KCNIP3: variants seen among roughly 807,000 people sequenced by gnomAD.
The protein encoded by KCNIP3 is calsenilin.
In KCNIP3, 28 loss-of-function variants were observed where a neutral mutation model predicts 35.0. The observed-to-expected ratio is 0.80, with a 90% CI of 0.59 to 1.10. The LOEUF (loss-of-function observed/expected upper bound fraction) is 1.10. Among genes scored for constraint, KCNIP3 ranks in the 50% least tolerant of loss-of-function variants. KCNIP3 has a pLI of 0.00. For missense variants in KCNIP3, 295 were observed against 338.4 expected, an observed-to-expected ratio of 0.87 and a Z score of 1.01; for synonymous variants, 134 against 133.8, an observed-to-expected ratio of 1.00 and a Z score of -0.01.
intron 2 of KCNIP3, among the ~76,000 whole-genome samples, chr2:95,358,277 A>G (rs1048286806): frequency 6.6e-6 from 1 of 152,226 alleles, no homozygotes; most frequent in Non-Finnish European, 1.5e-5. Flanking sequence ...CCTCTTGCCC[A>G]GTACCTGGTG....
intron 2 of KCNIP3, among the ~76,000 whole-genome samples, chr2:95,343,781 G>A (rs1328480938): frequency 6.6e-6 from 1 of 152,188 alleles, no homozygotes; most frequent in Non-Finnish European, 1.5e-5. Flanking sequence ...GACAGGGCTG[G>A]TAGAATCTGG....
chr2:95,341,320 G>A (rs996014058), intron 2 of KCNIP3, among the ~76,000 whole-genome samples: 1 of 152,174 alleles, frequency 6.6e-6, no homozygotes, highest in Non-Finnish European at 1.5e-5. Context: ...CACCATGATT[G>A]AGGATACCAG....
At chr2:95,308,686 C>T (rs1465166198) in intron 1 of KCNIP3, among the ~76,000 whole-genome samples, 2 of 152,146 alleles carry the variant, frequency 1.3e-5, no homozygotes, top group Admixed American at 6.5e-5. Flanking sequence ...TGGTGTCCGG[C>T]GCTGCTCTCT....
intron 2 of KCNIP3, among the ~76,000 whole-genome samples, chr2:95,329,282 T>A (rs901986704): frequency 3.3e-5 from 5 of 152,154 alleles, no homozygotes; most frequent in African/African-American, 4.8e-5. Flanking sequence ...ATGGAGAACA[T>A]CCCACTTTCT....
At chr2:95,361,115 C>A (rs914565340) in intron 2 of KCNIP3, among the ~76,000 whole-genome samples, 1 of 152,178 alleles carries the variant, frequency 6.6e-6, no homozygotes, top group Non-Finnish European at 1.5e-5. Flanking sequence ...AGAGCTGGAG[C>A]GCTGATCAAT....
chr2:95,333,467 G>C (rs4283455), intron 2 of KCNIP3, among the ~76,000 whole-genome samples: 116,535 of 152,202 alleles, frequency 0.77, 45,005 homozygotes, highest in African/African-American at 0.84. Context: ...CTCCTCTCCT[G>C]TGGTGGCCTC....
chr2:95,301,634 A>G lies in KCNIP3; in HGVS notation c.15+4181A>G, dbSNP rs540191797. ...AGTGAGGCCTCCACACATGAAGGGA[A>G]TACCTATGCCATCCCTTCTGACTGT... On this transcript the variant is annotated intron_variant, in intron 1 of 8. Transcript: ENST00000295225. Among the ~76,000 whole-genome samples, 5 of 152,326 alleles carry G rather than the reference A, an allele frequency of 3.3e-5. No individual in the cohort carries two copies. In the South Asian group the frequency reaches 1.0e-3, roughly 32 times the overall value.
rs1410572080 is a variant in KCNIP3 at position 95,384,599 on chromosome 2, T to C, written c.*550T>C. Reference sequence around the variant, plus strand: ...GGGGGGCAGGGGGGAGAGGGGGTAATGGAGGCCAAGCCTGCAGCTTTCTGG... The same window carrying C: ...GGGGGGCAGGGGGGAGAGGGGGTAACGGAGGCCAAGCCTGCAGCTTTCTGG... On this transcript the variant is annotated 3_prime_UTR_variant, in exon 9 of 9. Transcript: ENST00000295225. 6.5e-6 allele frequency: 1 copy of C among 153,872 alleles called. No individual in the cohort carries two copies. Among genetic ancestry groups the C allele is most frequent in the Non-Finnish European group, 1.4e-5 (1 of 69,296 alleles). The allele number at this position is 153,872 out of a possible 1,614,324, so 9.5% of individuals were successfully genotyped here.
chr2:95,379,121 C>T (rs1680275670), intron 5 of KCNIP3, among the ~76,000 whole-genome samples: 1 of 151,850 alleles, frequency 6.6e-6, no homozygotes, highest in African/African-American at 2.4e-5. Context: ...CGTTCCCGTC[C>T]CCCCAGCCCC....
At chr2:95,315,565 C>T (rs1421489391) in intron 2 of KCNIP3, among the ~76,000 whole-genome samples, 2 of 152,202 alleles carry the variant, frequency 1.3e-5, no homozygotes. Context: ...GGTTAACAGC[C>T]ATCCATGAAT....
intron 2 of KCNIP3, among the ~76,000 whole-genome samples, chr2:95,353,793 C>G (rs771069676): frequency 8.5e-5 from 13 of 152,160 alleles, no homozygotes; most frequent in Non-Finnish European, 1.5e-4. Flanking sequence ...GCTGCGGCTT[C>G]TCTTAGCTCG....
At chr2:95,362,803 G>A (rs1340722520) in intron 2 of KCNIP3, among the ~76,000 whole-genome samples, 1 of 152,148 alleles carries the variant, frequency 6.6e-6, no homozygotes, top group Non-Finnish European at 1.5e-5. Context: ...ACTGGTCCTC[G>A]GCCCAGGGAG....
At chr2:95,317,486 G>C (rs1372968792) in intron 2 of KCNIP3, among the ~76,000 whole-genome samples, 1 of 152,160 alleles carries the variant, frequency 6.6e-6, no homozygotes, top group Middle Eastern at 3.2e-3. Context: ...CAAACCCAAG[G>C]CAGGAGGACT....
At position 95,327,451 on chromosome 2, in the gene KCNIP3, G is replaced by T. The variant is rs576660786; in HGVS notation, c.181+16931G>T. 3.8e-4 allele frequency among the ~76,000 whole-genome samples: 58 copies of T among 152,036 alleles called. 1 individual carries two copies. The highest frequency in any genetic ancestry group is 9.8e-4 in the Admixed American group (15 of 15,276). On this transcript the variant is annotated intron_variant, in intron 2 of 8. Transcript: ENST00000295225. ...TGCACACACGTACACACCCACACAC[G>T]CACAGTCACCATGCACACTCACACT...
chr2:95,350,292 G>T (rs1679480756), intron 2 of KCNIP3, among the ~76,000 whole-genome samples: 1 of 152,134 alleles, frequency 6.6e-6, no homozygotes, highest in Non-Finnish European at 1.5e-5. Context: ...CCACAGCCTT[G>T]TCACTCCCTT....
chr2:95,326,649 G>A (rs1051260890), intron 2 of KCNIP3, among the ~76,000 whole-genome samples: 23 of 152,328 alleles, frequency 1.5e-4, no homozygotes, highest in African/African-American at 4.8e-4. Context: ...CTTGTTCCCC[G>A]GTCTCCCCAG....
intron 1 of KCNIP3, among the ~76,000 whole-genome samples, chr2:95,301,736 A>G (rs1300150679): frequency 6.6e-6 from 1 of 151,918 alleles, no homozygotes; most frequent in African/African-American, 2.4e-5. Context: ...TTAACGTGAC[A>G]CCCTCACTGC....
intron 1 of KCNIP3, among the ~76,000 whole-genome samples, chr2:95,309,589 A>G (rs1678261708): frequency 6.6e-6 from 1 of 152,120 alleles, no homozygotes; most frequent in Admixed American, 6.5e-5. Flanking sequence ...ACGTCTGGCT[A>G]ATTTTTGTAT....
chr2:95,326,362 C>T (rs1678792101), intron 2 of KCNIP3, among the ~76,000 whole-genome samples: 1 of 152,166 alleles, frequency 6.6e-6, no homozygotes, highest in South Asian at 2.1e-4. Context: ...AAACACACAC[C>T]CCAGTACACA....
Sources: gnomAD v4.1 joint callset for allele counts (sites outside exome capture counted in the v4.1 genomes callset) on GRCh38, gnomAD v4.1.1 for gene constraint, MANE v1.5 for transcripts, NCBI Gene and HGNC (gene_info 2026-07-23, HGNC 2026-07-21) for gene names.